Variants in TSC1 observed in about 807,000 individuals in gnomAD.
TSC1 encodes the protein hamartin.
A neutral mutation model predicts 124.3 loss-of-function variants in TSC1; 20 were observed. The ratio of observed to expected loss-of-function variants is 0.16; its 90% CI spans 0.11 to 0.23. TSC1 has a LOEUF of 0.23. Ranked by LOEUF, TSC1 falls within the 10% of genes least tolerant of loss-of-function variation. TSC1 has a pLI of 1.00. For synonymous variants in TSC1, 493 were observed against 539.1 expected (o/e 0.91, Z 1.19); for missense variants, 1,124 against 1,448.5 (o/e 0.78, Z 3.64).
chr9:132,908,491 C>T (rs965502588), intron 12 of TSC1, among the ~76,000 whole-genome samples: 2 of 152,174 alleles, frequency 1.3e-5, no homozygotes, highest in African/African-American at 4.8e-5. Context: ...CTGGCTCTGT[C>T]ACCTAGGCTG....
chr9:132,906,708 C>T lies in TSC1; in HGVS notation c.1438+23G>A, dbSNP rs1306176315. On this transcript the variant is annotated intron_variant, in intron 14 of 22. Transcript: ENST00000298552. This position sits in a 1 kb window ranked among gnomAD's most constrained non-coding sequence, Gnocchi z 4.1. The stretch of plus-strand genomic sequence containing the variant: ...GAGCGAGGGTCAGGTTTTATCAACT[C>T]ATAGCAATCCCACATACATTACCTT... The T allele has an allele frequency of 2.5e-6, 4 of 1,591,776 alleles. No individual in the cohort carries two copies. Among genetic ancestry groups the T allele is most frequent in the Non-Finnish European group, 3.4e-6 (4 of 1,162,148 alleles).
At chr9:132,922,116 C>T (rs1050429329) in intron 6 of TSC1, 143 bp from the exon 7 acceptor site, 1 of 995,656 alleles carries the variant, frequency 1.0e-6, no homozygotes, top group Admixed American at 2.1e-5. Flanking sequence ...GAGTGGTTTT[C>T]TAAAATGCAA....
chr9:132,897,666 T>C, intron 20 of TSC1, 56 bp from the exon 21 acceptor site: 1 of 1,559,110 alleles, frequency 6.4e-7, no homozygotes. Context: ...ATAAACATGC[T>C]GTATCCATTT....
intron 20 of TSC1, 112 bp from the exon 21 acceptor site, chr9:132,897,722 G>T: frequency 7.2e-7 from 1 of 1,395,424 alleles, no homozygotes; most frequent in Non-Finnish European, 9.7e-7. Flanking sequence ...TTAGTATACT[G>T]ATAACAGAAA....
Position 132,910,584 on chromosome 9 carries a change from G to A in TSC1, c.1250C>T (p.Thr417Ile), listed in dbSNP as rs77464996. 1.2e-4 allele frequency: 192 copies of A among 1,614,104 alleles called. No homozygotes were observed. The East Asian group carries it at 4.2e-3, about 35-fold the overall frequency. ...VHISLPQATV[T>I]PPRKEERMDS... ...GCTGGATCGCACCTTCCTGGGGGGT[G>A]TGACTGTGGCCTGGGGGAGTGAAAT... The change falls in exon 12 of 23, where the codon ACA becomes ATA. Residue 417 changes from threonine (T) to isoleucine (I), a missense_variant. Thr to Ile is a moderately conservative substitution (Grantham distance 89). Transcript: ENST00000298552.
rs764505916 is a variant in TSC1 at position 132,910,459 on chromosome 9, CCATTG to C, written c.1263+107_1263+111del. 4 of 1,574,720 alleles carry C rather than the reference CCATTG, an allele frequency of 2.5e-6. No individual in the cohort carries two copies. The East Asian group carries it at 9.0e-5, about 35-fold the overall frequency. On this transcript the variant is annotated intron_variant, in intron 12 of 22. Coordinates refer to ENST00000298552, the MANE Select transcript of TSC1 (RefSeq NM_000368.5). ...CATTTTCAATTATTCTGATTCAAAC[CCATTG>C]CATTTTAGGTCAGAATTCTATCTGG...
rs549466953 is a variant in TSC1, at chr9:132,904,796, C to G, written c.1998-342G>C. The stretch of plus-strand genomic sequence containing the variant: ...TCTCCAGAGAAACTGAGTAGTCAAA[C>G]ACACTGAGAGCCGTTTTCAACCCTG... On this transcript the variant is annotated intron_variant, in intron 15 of 22. Transcript: ENST00000298552. Among the ~76,000 whole-genome samples, 25 of 152,348 alleles carry G rather than the reference C, an allele frequency of 1.6e-4. No individual in the cohort carries two copies. The East Asian group carries it at 4.8e-3, about 29-fold the overall frequency.
chr9:132,944,786 CGAG>C, upstream of TSC1: 1 of 394,564 alleles, frequency 2.5e-6, no homozygotes, highest in Non-Finnish European at 4.5e-6. Flanking sequence ...GTGGGTTGGA[CGAG>C]AAAAAAAGTA....
At chr9:132,910,413 C>T in intron 12 of TSC1, 158 bp downstream of exon 12, 1 of 1,404,414 alleles carries the variant, frequency 7.1e-7, no homozygotes, top group Non-Finnish European at 9.9e-7. Context: ...CAGATCACAC[C>T]TTGAGAGCAG....
rs1242311755 is a variant in TSC1 at position 132,925,601 on chromosome 9, G to C, written c.349C>G (p.Leu117Val). The change falls in exon 5 of 23, where the codon CTA becomes GTA. Residue 117 changes from leucine (L) to valine (V), a missense_variant. By Grantham distance (32) the Leu-to-Val change is conservative. Coordinates refer to ENST00000298552, the MANE Select transcript of TSC1 (RefSeq NM_000368.5). ...AAACATCCTACCTTGAGACATTTTA[G>C]TAAAGAAGGCAAAAGAGGTGCTTGA... is the stretch of plus-strand genomic sequence containing the variant. ...LSQAPLLPSL[L>V]KCLKMDTDVV... 6.2e-7 allele frequency: 1 copy of C among 1,614,098 alleles called. No individual in the cohort carries two copies. The highest frequency in any genetic ancestry group is 8.5e-7 in the Non-Finnish European group (1 of 1,180,054).
chr9:132,938,383 T>A (rs1432440476), intron 1 of TSC1, among the ~76,000 whole-genome samples: 1 of 152,196 alleles, frequency 6.6e-6, no homozygotes, highest in Non-Finnish European at 1.5e-5. Flanking sequence ...AGATCTAGAC[T>A]TTTTTCCCTT....
Position 132,906,133 on chromosome 9 carries a change from A to G in TSC1, c.1445T>C (p.Ile482Thr), listed in dbSNP as rs2131850671. The G allele has an allele frequency of 6.2e-7, 1 of 1,612,726 alleles. No homozygotes were observed. The highest frequency in any genetic ancestry group is 8.5e-7 in the Non-Finnish European group (1 of 1,179,792). ...SIEKDKEEAAISRELSEITTA... is the reference protein window; with the variant it reads ...SIEKDKEEAATSRELSEITTA... Reference sequence around the variant, plus strand: ...GGTGATCTCAGAAAGTTCTCTAGATATTGCAGCTGAGAGGAAGAGAGGAAA... The same window carrying G: ...GGTGATCTCAGAAAGTTCTCTAGATGTTGCAGCTGAGAGGAAGAGAGGAAA... The change falls in exon 15 of 23, where the codon ATA becomes ACA. Residue 482 changes from isoleucine to threonine, a missense_variant. Physicochemically the swap from Ile to Thr is moderately conservative, Grantham distance 89. Transcript: ENST00000298552. This position sits in a 1 kb window ranked among gnomAD's most constrained non-coding sequence, Gnocchi z 4.1.
intron 8 of TSC1, among the ~76,000 whole-genome samples, chr9:132,917,098 A>G (rs1846303618): frequency 1.3e-5 from 2 of 152,198 alleles, no homozygotes; most frequent in Non-Finnish European, 2.9e-5. Context: ...TCAGAAGCTA[A>G]CAGCATTCTG....
chr9:132,938,836 A>G (rs1847596220), intron 1 of TSC1, among the ~76,000 whole-genome samples: 1 of 152,216 alleles, frequency 6.6e-6, no homozygotes, highest in African/African-American at 2.4e-5. Context: ...CGAATTTTTC[A>G]AAAACAAGTG....
Position 132,905,771 on chromosome 9 carries a change from G to A in TSC1, c.1807C>T (p.Pro603Ser), listed in dbSNP as rs2131822136. ...GCCACCTCAAAAAGATGATCATACG[G>A]GGGAGGCTGCCCGCTTCCAAAGCCC... ...RVGFGSGQPP[P>S]YDHLFEVALP... is the part of the protein sequence containing the mutation. Residue 603 changes from proline to serine, a missense_variant, in exon 15 of 23, where the codon CCG becomes TCG. Pro to Ser is a moderately conservative substitution (Grantham distance 74, BLOSUM62 -1). Transcript: ENST00000298552. The A allele has an allele frequency of 6.2e-7, 1 of 1,614,202 alleles. No homozygotes were observed. Among genetic ancestry groups the A allele is most frequent in the Non-Finnish European group, 8.5e-7 (1 of 1,180,042 alleles).
chr9:132,914,897 T>C (rs1846186700), intron 8 of TSC1, among the ~76,000 whole-genome samples: 1 of 151,286 alleles, frequency 6.6e-6, no homozygotes, highest in Non-Finnish European at 1.5e-5. Flanking sequence ...TGCTTTCAGC[T>C]GGGCATGGTG....
Position 132,902,514 on chromosome 9 carries a change from A to G in TSC1, c.2391+91T>C. The G allele has an allele frequency of 6.8e-7, 1 of 1,475,018 alleles. No individual in the cohort carries two copies. The highest frequency in any genetic ancestry group is 9.5e-7 in the Non-Finnish European group (1 of 1,056,932). The allele number at this position is 1,475,018 out of a possible 1,614,324, so 91.4% of individuals were successfully genotyped here. ...GCATTCAGCTTAGTAAAGCTGAACA[A>G]GTCAAGGACACCCAGGGAAACTGAC... On this transcript the variant is annotated intron_variant, in intron 18 of 22. Coordinates refer to ENST00000298552, the MANE Select transcript of TSC1 (RefSeq NM_000368.5). The surrounding 1 kb of genome is among the most constrained non-coding windows in gnomAD (Gnocchi z 5.2).
rs775823272 is a variant in TSC1 at position 132,913,891 on chromosome 9, GTTTT to G, written c.738-1438_738-1435del. Among the ~76,000 whole-genome samples the G allele has an allele frequency of 5.7e-3, 331 of 58,394 alleles. 3 individuals carry two copies. Among genetic ancestry groups the G allele is most frequent in the African/African-American group, 0.02 (304 of 14,846 alleles). 38.3% of individuals were successfully genotyped at this position (58,394 alleles called of 152,430 possible). A position where few individuals can be genotyped will look rare whatever the true frequency, so the allele number is the denominator to read the frequency against. On this transcript the variant is annotated intron_variant, in intron 8 of 22. Transcript: ENST00000298552. ...TCCCATGGGTTTTTTGTTTTGTTTT[GTTTT>G]TTTTTTTTTTTTTTTTTTTTTTAGA...
At chr9:132,909,334 C>A (rs1422416707) in intron 12 of TSC1, among the ~76,000 whole-genome samples, 1 of 152,184 alleles carries the variant, frequency 6.6e-6, no homozygotes, top group East Asian at 1.9e-4. Flanking sequence ...TATACAATAT[C>A]AAAAACTCAA....
Sources: gnomAD v4.1 joint callset for allele counts (sites outside exome capture counted in the v4.1 genomes callset) on GRCh38, gnomAD v4.1.1 for gene constraint, Gnocchi (gnomAD v3.1) non-coding constraint, MANE v1.5 for transcripts, NCBI Gene and HGNC (gene_info 2026-07-23, HGNC 2026-07-21) for gene names.